The following VWC2 variants were observed in gnomAD, a reference collection of about 807,000 sequenced individuals.
The protein encoded by VWC2 is brorin.
A neutral mutation model predicts 29.8 loss-of-function variants in VWC2; 14 were observed. The ratio of observed to expected loss-of-function variants is 0.47; its 90% confidence interval spans 0.31 to 0.74. The LOEUF (loss-of-function observed/expected upper bound fraction) is 0.74. VWC2 is among the 30% of genes least tolerant of loss of function. The probability of loss-of-function intolerance (pLI) is 0.05; values close to 1 mark genes in which losing one functional copy is unlikely to be tolerated. For missense variants in VWC2, 457 were observed against 459.8 expected (o/e 0.99, Z 0.05); for synonymous variants, 213 against 199.0 (o/e 1.07, Z -0.59).
rs891359671 is a variant in VWC2, at chr7:49,881,757, T to C, written c.827-30277T>C. Among the ~76,000 whole-genome samples, 7 of 152,156 alleles carry C rather than the reference T, an allele frequency of 4.6e-5. No individual in the cohort carries two copies. The East Asian group carries it at 1.3e-3, about 29-fold the overall frequency. ...TTTGATAGGCAATTCATCTCTTTAA[T>C]TCATCTCTTTTAAAATATAGATTGA... On this transcript the variant is annotated intron_variant, in intron 3 of 3. Transcript: ENST00000340652.
rs1202233902 is a variant in VWC2 at position 49,794,960 on chromosome 7, G to A, written c.697-7751G>A. Among the ~76,000 whole-genome samples, 5 of 152,266 alleles carry A rather than the reference G, an allele frequency of 3.3e-5. No individual in the cohort carries two copies. The East Asian group carries it at 7.7e-4, about 24-fold the overall frequency. The stretch of plus-strand genomic sequence containing the variant: ...TCAATATGCACGTAGCTCAGTTAGC[G>A]CTCAACATTTTCAGCCATTTTGTTA... On this transcript the variant is annotated intron_variant, in intron 2 of 3. Coordinates refer to ENST00000340652, the MANE Select transcript of VWC2 (RefSeq NM_198570.5).
At chr7:49,780,532 C>T (rs1456679457) in intron 2 of VWC2, among the ~76,000 whole-genome samples, 1 of 152,186 alleles carries the variant, frequency 6.6e-6, no homozygotes, top group Admixed American at 6.5e-5. Context: ...AAGCTTATTT[C>T]ATGTTTTATA....
intron 3 of VWC2, among the ~76,000 whole-genome samples, chr7:49,808,034 G>A (rs1417716120): frequency 7.2e-5 from 11 of 152,080 alleles, no homozygotes; most frequent in Middle Eastern, 6.8e-3. Context: ...TAGGTAGTGG[G>A]CTGCCTTCAT....
intron 3 of VWC2, among the ~76,000 whole-genome samples, chr7:49,906,465 A>G (rs1034321279): frequency 1.3e-5 from 2 of 151,928 alleles, no homozygotes; most frequent in Non-Finnish European, 1.5e-5. Flanking sequence ...CCTCCCAAGT[A>G]GCTGGGACTA....
chr7:49,863,733 C>A (rs1790763613), intron 3 of VWC2, among the ~76,000 whole-genome samples: 2 of 152,084 alleles, frequency 1.3e-5, no homozygotes, highest in South Asian at 4.1e-4. Context: ...ACCTGGTCTG[C>A]TTTTCTATTC....
At chr7:49,842,958 T>G (rs188519920) in intron 3 of VWC2, among the ~76,000 whole-genome samples, 4 of 152,310 alleles carry the variant, frequency 2.6e-5, no homozygotes, top group Non-Finnish European at 5.9e-5. Context: ...CTGGGTGTAC[T>G]GTGTGATGCT....
chr7:49,866,719 C>G (rs1379740175), intron 3 of VWC2, among the ~76,000 whole-genome samples: 5 of 152,338 alleles, frequency 3.3e-5, no homozygotes, highest in Admixed American at 2.6e-4. Context: ...AACATACAAG[C>G]ATCTGCTTCA....
chr7:49,867,760 T>C (rs752108681), intron 3 of VWC2, among the ~76,000 whole-genome samples: 6 of 152,248 alleles, frequency 3.9e-5, no homozygotes, highest in Non-Finnish European at 8.8e-5. Flanking sequence ...GAAGACCTGC[T>C]GGTATCTCTC....
In VWC2 at chr7:49,802,846, T is replaced by C; in HGVS notation, c.826+6T>C. ...CTGTCCCATCTGCAAAAATGGTATGTGAGATCCCCGTTGGTGACGGGGTGC... is the reference window on the plus strand; with the variant it reads ...CTGTCCCATCTGCAAAAATGGTATGCGAGATCCCCGTTGGTGACGGGGTGC... On this transcript the variant is annotated splice_donor_region_variant and intron_variant, in intron 3 of 3. Coordinates refer to ENST00000340652, the MANE Select transcript of VWC2 (RefSeq NM_198570.5). The C allele has an allele frequency of 6.2e-7, 1 of 1,614,056 alleles. No homozygotes were observed. Among genetic ancestry groups the C allele is most frequent in the South Asian group, 1.1e-5 (1 of 91,080 alleles).
chr7:49,850,323 C>T (rs1790125733), intron 3 of VWC2: 1 of 152,244 alleles, frequency 6.6e-6, no homozygotes, highest in Non-Finnish European at 1.5e-5. Flanking sequence ...TTGTTTAACA[C>T]ACCTGCCATC....
At chr7:49,844,845 A>C (rs558383552) in intron 3 of VWC2, among the ~76,000 whole-genome samples, 1 of 152,104 alleles carries the variant, frequency 6.6e-6, no homozygotes, top group South Asian at 2.1e-4. Context: ...GGTGCCCGCC[A>C]CTACGTCCAA....
chr7:49,797,190 T>G (rs572775058), intron 2 of VWC2, among the ~76,000 whole-genome samples: 1 of 152,354 alleles, frequency 6.6e-6, no homozygotes, highest in African/African-American at 2.4e-5. Flanking sequence ...TAGCCTCTGC[T>G]AGTCATAACT....
At chr7:49,839,765 C>A (rs1789749775) in intron 3 of VWC2, among the ~76,000 whole-genome samples, 1 of 152,148 alleles carries the variant, frequency 6.6e-6, no homozygotes, top group African/African-American at 2.4e-5. Context: ...AGAAATAAAG[C>A]CACTTCACAA....
chr7:49,862,505 A>T (rs1790694173), intron 3 of VWC2, among the ~76,000 whole-genome samples: 2 of 152,182 alleles, frequency 1.3e-5, no homozygotes, highest in Admixed American at 6.5e-5. Flanking sequence ...TAAATGTTGA[A>T]TAGCAGTGGT....
At chr7:49,844,956 T>C (rs1037723855) in intron 3 of VWC2, among the ~76,000 whole-genome samples, 4 of 152,228 alleles carry the variant, frequency 2.6e-5, no homozygotes, top group African/African-American at 9.6e-5. Context: ...GTGCTGGAAT[T>C]ACAGGCAGCA....
At chr7:49,910,977 C>G (rs537551674) in intron 3 of VWC2, among the ~76,000 whole-genome samples, 1 of 152,276 alleles carries the variant, frequency 6.6e-6, no homozygotes, top group Admixed American at 6.5e-5. Flanking sequence ...AAGCTGCCCT[C>G]GGAGGCCTGG....
chr7:49,788,996 G>C (rs12539790), intron 2 of VWC2, among the ~76,000 whole-genome samples: 1 of 149,126 alleles, frequency 6.7e-6, no homozygotes, highest in East Asian at 2.0e-4. Flanking sequence ...TGTGAGGTGT[G>C]GGTGCATGCT....
At chr7:49,878,389 G>GT (rs1041979875) in intron 3 of VWC2, among the ~76,000 whole-genome samples, 2 of 152,080 alleles carry the variant, frequency 1.3e-5, no homozygotes, top group African/African-American at 4.8e-5. Context: ...ATTTCCTTTA[G>GT]TAAAGACCTG....
chr7:49,863,740 A>G (rs1408469667), intron 3 of VWC2, among the ~76,000 whole-genome samples: 1 of 151,896 alleles, frequency 6.6e-6, no homozygotes, highest in East Asian at 1.9e-4. Flanking sequence ...CTGCTTTTCT[A>G]TTCTCTATTT....
Sources: allele counts gnomAD v4.1 joint callset (sites outside exome capture counted in the v4.1 genomes callset), GRCh38; gene constraint gnomAD v4.1.1; transcripts MANE v1.5; gene names NCBI Gene and HGNC (gene_info 2026-07-23, HGNC 2026-07-21).